The following TBC1D14 variants were observed in gnomAD, a reference collection of about 807,000 sequenced individuals.
TBC1D14 encodes TBC1 domain family member 14, also known as TBC1 domain family, member 14.
Under a neutral mutation model 79.0 loss-of-function variants are expected in TBC1D14, and 26 were observed. The observed-to-expected ratio is 0.33, with a 90% CI of 0.24 to 0.46. TBC1D14 has a LOEUF of 0.46. TBC1D14 is among the 20% of genes least tolerant of loss of function. The pLI is 1.00. For missense variants in TBC1D14, 769 were observed against 887.6 expected (o/e 0.87, Z 1.70); for synonymous variants, 394 against 349.9 (o/e 1.13, Z -1.40).
intron 2 of TBC1D14, among the ~76,000 whole-genome samples, chr4:6,952,111 C>T (rs1227460234): frequency 6.6e-6 from 1 of 152,108 alleles, no homozygotes; most frequent in Non-Finnish European, 1.5e-5. Flanking sequence ...GTAGTGGGAA[C>T]CGATGAGAAG....
At chr4:6,930,929 C>T (rs533413185) in intron 2 of TBC1D14, among the ~76,000 whole-genome samples, 1 of 151,942 alleles carries the variant, frequency 6.6e-6, no homozygotes, top group Admixed American at 6.6e-5. Flanking sequence ...GAGATGAAAT[C>T]TTGCTGTGTT....
At chr4:6,997,660 G>A (rs979406845) in intron 5 of TBC1D14, among the ~76,000 whole-genome samples, 1 of 152,152 alleles carries the variant, frequency 6.6e-6, no homozygotes, top group Non-Finnish European at 1.5e-5. Flanking sequence ...ACAATGTGGT[G>A]TATATGTACA....
intron 13 of TBC1D14, among the ~76,000 whole-genome samples, chr4:7,029,249 A>C (rs1722794323): frequency 6.6e-6 from 1 of 152,214 alleles, no homozygotes; most frequent in South Asian, 2.1e-4. Context: ...CCTTAATTGA[A>C]ACCAAAATGC....
At chr4:6,937,478 T>TG (rs984026927) in intron 2 of TBC1D14, among the ~76,000 whole-genome samples, 1 of 120,664 alleles carries the variant, frequency 8.3e-6, no homozygotes, top group African/African-American at 2.6e-5. Context: ...GTGAATTGGG[T>TG]GGGGGCACAA....
chr4:6,991,658 C>T (rs551120976), intron 3 of TBC1D14, among the ~76,000 whole-genome samples: 3 of 152,264 alleles, frequency 2.0e-5, no homozygotes, highest in South Asian at 2.1e-4. Context: ...GTCTTGTTGG[C>T]GTGGTCTGGG....
chr4:7,001,604 A>T (rs1719681926), intron 7 of TBC1D14: 2 of 236,984 alleles, frequency 8.4e-6, no homozygotes, highest in Non-Finnish European at 1.7e-5. Context: ...GAGGGTGTTT[A>T]TTGTACTGGG....
intron 3 of TBC1D14, among the ~76,000 whole-genome samples, chr4:6,984,947 G>A (rs1717689420): frequency 6.6e-6 from 1 of 152,212 alleles, no homozygotes; most frequent in Non-Finnish European, 1.5e-5. Flanking sequence ...AGATGGTGCA[G>A]CTCAATTGAT....
chr4:6,958,592 G>A (rs1316773947), intron 2 of TBC1D14, among the ~76,000 whole-genome samples: 1 of 152,018 alleles, frequency 6.6e-6, no homozygotes, highest in Admixed American at 6.6e-5. Context: ...ACCACGCCTG[G>A]CTTATTTTTA....
intron 3 of TBC1D14, among the ~76,000 whole-genome samples, chr4:6,968,670 C>CGCCGGGAGGAGGCTGACA (rs1386607097): frequency 1.6e-5 from 1 of 61,998 alleles, no homozygotes; most frequent in African/African-American, 4.3e-5. Context: ...GGAGGCTGAC[C>CGCCGGGAGGAGGCTGACA]GCCGGGAGGA....
rs187053257 is a variant in TBC1D14, at chr4:7,023,147, G to C, written c.1758-1857G>C. Among the ~76,000 whole-genome samples, 760 of 152,260 alleles carry C rather than the reference G, an allele frequency of 5.0e-3. 3 individuals carry two copies. The highest frequency in any genetic ancestry group is 0.014 in the Middle Eastern group (4 of 294). ...TGGACGCCTGTAATCCCAGCTACTT[G>C]GGAGGCTGAGGCACAGAATTGCTTG... On this transcript the variant is annotated intron_variant, in intron 12 of 13. Coordinates refer to ENST00000409757, the MANE Select transcript of TBC1D14 (RefSeq NM_020773.3).
intron 13 of TBC1D14, among the ~76,000 whole-genome samples, chr4:7,026,744 A>C (rs141821313): frequency 3.3e-5 from 5 of 152,280 alleles, no homozygotes; most frequent in African/African-American, 1.2e-4. Context: ...AAAAAATACA[A>C]AAATTAGCTG....
intron 1 of TBC1D14, among the ~76,000 whole-genome samples, chr4:6,922,087 C>T (rs768592255): frequency 6.6e-6 from 1 of 152,060 alleles, no homozygotes; most frequent in African/African-American, 2.4e-5. Flanking sequence ...GTGTCTTTCT[C>T]TGTTACCCAG....
rs984829233 is a variant in TBC1D14 at position 6,940,412 on chromosome 4, T to A, written c.722+16301T>A. ...ATGGAATGTGTGTAGCCCAGAGAGG[T>A]CTACAGAAAGAACCGCCCTCAGGGC... On this transcript the variant is annotated intron_variant, in intron 2 of 13. Coordinates refer to ENST00000409757, the MANE Select transcript of TBC1D14 (RefSeq NM_020773.3). Among the ~76,000 whole-genome samples, 4 of 151,856 alleles carry A rather than the reference T, an allele frequency of 2.6e-5. 1 individual carries two copies. Among genetic ancestry groups the A allele is most frequent in the Non-Finnish European group, 5.9e-5 (4 of 67,962 alleles).
At chr4:6,996,527 T>C in intron 5 of TBC1D14, 120 bp downstream of exon 5, 1 of 730,260 alleles carries the variant, frequency 1.4e-6, no homozygotes, top group Non-Finnish European at 2.2e-6. Flanking sequence ...AAATTTGTAG[T>C]CTTCCAGTAA....
intron 2 of TBC1D14, chr4:6,954,194 C>A (rs758120887): frequency 2.9e-6 from 2 of 690,802 alleles, no homozygotes; most frequent in Non-Finnish European, 5.4e-6. Context: ...TCCGAGTGCA[C>A]CCATGGAGTT....
chr4:6,963,378 G>A (rs1378523562), intron 2 of TBC1D14, among the ~76,000 whole-genome samples: 1 of 152,260 alleles, frequency 6.6e-6, no homozygotes, highest in Non-Finnish European at 1.5e-5. Context: ...CTGGACTCCG[G>A]AGCAGCAGCA....
intron 3 of TBC1D14, among the ~76,000 whole-genome samples, chr4:6,981,936 G>T (rs915917161): frequency 1.3e-5 from 2 of 152,192 alleles, no homozygotes; most frequent in East Asian, 3.8e-4. Flanking sequence ...AAGACTGAAG[G>T]CCTTCCCCTA....
intron 12 of TBC1D14, among the ~76,000 whole-genome samples, chr4:7,018,622 C>T (rs756367286): frequency 7.9e-5 from 12 of 152,198 alleles, no homozygotes; most frequent in Non-Finnish European, 1.8e-4. Flanking sequence ...CTGTACGCTG[C>T]CTAACCAGTG....
intron 2 of TBC1D14, among the ~76,000 whole-genome samples, chr4:6,940,130 C>T (rs1260595624): frequency 6.6e-6 from 1 of 152,198 alleles, no homozygotes. Flanking sequence ...AGCCACTAGC[C>T]CCATGTAGCT....
Sources: allele counts gnomAD v4.1 joint callset (sites outside exome capture counted in the v4.1 genomes callset), GRCh38; gene constraint gnomAD v4.1.1; transcripts MANE v1.5; gene names NCBI Gene and HGNC (gene_info 2026-07-23, HGNC 2026-07-21).